TTC28: variants seen among roughly 807,000 people sequenced by gnomAD.
The protein encoded by TTC28 is tetratricopeptide repeat domain 28, also known as tetratricopeptide repeat protein 28.
In TTC28, 61 loss-of-function variants were observed where a neutral mutation model predicts 198.0. The observed-to-expected ratio is 0.31, with a 90% CI of 0.25 to 0.38. The LOEUF (loss-of-function observed/expected upper bound fraction) is 0.38. Ranked by LOEUF, TTC28 falls within the 10% of genes least tolerant of loss-of-function variation. TTC28 has a pLI of 1.00. For synonymous variants in TTC28, 1,171 were observed against 1,297.8 expected (o/e 0.90, Z 2.10); for missense variants, 2,678 against 3,164.0 (o/e 0.85, Z 3.69).
chr22:28,289,462 CAGA>C lies in TTC28; in HGVS notation c.933+6733_933+6735del, dbSNP rs375218281. Among the ~76,000 whole-genome samples, 1,456 of 152,214 alleles carry C rather than the reference CAGA, an allele frequency of 9.6e-3. 20 individuals are homozygous for C. The highest frequency in any genetic ancestry group is 0.016 in the Non-Finnish European group (1,088 of 67,996). ...TTAATTTTGAAGCCATTAAAGTAGA[CAGA>C]AGGTTAGTCAGAATAAAAAAATCCT... is the stretch of plus-strand genomic sequence containing the variant. On this transcript the variant is annotated intron_variant, in intron 5 of 22. Coordinates refer to ENST00000397906, the MANE Select transcript of TTC28 (RefSeq NM_001145418.2).
chr22:28,560,760 G>T (rs925853469), intron 2 of TTC28, among the ~76,000 whole-genome samples: 11 of 150,546 alleles, frequency 7.3e-5, no homozygotes, highest in South Asian at 2.1e-4. Context: ...TCTTTTTTTT[G>T]TTTGTTTGTT....
At chr22:28,216,503 G>T (rs181821525) in intron 5 of TTC28, among the ~76,000 whole-genome samples, 1 of 152,124 alleles carries the variant, frequency 6.6e-6, no homozygotes, top group Non-Finnish European at 1.5e-5. Flanking sequence ...GTAAGGAATA[G>T]ATTGTGTTTA....
At chr22:28,032,202 T>A (rs913763932) in intron 12 of TTC28, among the ~76,000 whole-genome samples, 1 of 111,668 alleles carries the variant, frequency 9.0e-6, no homozygotes, top group African/African-American at 3.4e-5. Context: ...TATATATATA[T>A]AAAATATATA....
At chr22:28,016,733 A>G (rs1438767516) in intron 13 of TTC28, among the ~76,000 whole-genome samples, 1 of 152,216 alleles carries the variant, frequency 6.6e-6, no homozygotes, top group African/African-American at 2.4e-5. Context: ...TACTAGAGAA[A>G]GAGACCCCAG....
At chr22:28,533,292 C>T (rs111701982) in intron 2 of TTC28, among the ~76,000 whole-genome samples, 3,194 of 152,026 alleles carry the variant, frequency 0.021, 35 homozygotes, top group Non-Finnish European at 0.028. Flanking sequence ...AAATCATGAG[C>T]GAACTCCCAT....
intron 2 of TTC28, among the ~76,000 whole-genome samples, chr22:28,415,278 G>GA (rs1356289225): frequency 6.6e-6 from 1 of 151,530 alleles, no homozygotes. Flanking sequence ...AATTTTAAAT[G>GA]AAAAAAACAG....
intron 5 of TTC28, among the ~76,000 whole-genome samples, chr22:28,190,370 C>T (rs772342190): frequency 6.6e-6 from 1 of 152,192 alleles, no homozygotes; most frequent in Non-Finnish European, 1.5e-5. Context: ...AGATGCAGTG[C>T]TAGGATTTGA....
At chr22:28,584,192 C>T (rs893301433) in intron 2 of TTC28, among the ~76,000 whole-genome samples, 2 of 152,020 alleles carry the variant, frequency 1.3e-5, no homozygotes, top group African/African-American at 4.8e-5. Context: ...AAACAAAATT[C>T]CAGCAGTATT....
At chr22:28,639,178 C>T (rs2051322016) in intron 1 of TTC28, among the ~76,000 whole-genome samples, 1 of 151,966 alleles carries the variant, frequency 6.6e-6, no homozygotes, top group Non-Finnish European at 1.5e-5. Flanking sequence ...TGTTAGACAA[C>T]AGGAAAATGG....
chr22:28,550,668 T>C (rs918922328), intron 2 of TTC28, among the ~76,000 whole-genome samples: 1 of 152,098 alleles, frequency 6.6e-6, no homozygotes, highest in Non-Finnish European at 1.5e-5. Context: ...ATAAATTCTA[T>C]TTTACAGTAT....
intron 2 of TTC28, among the ~76,000 whole-genome samples, chr22:28,319,371 G>C (rs2045407674): frequency 6.6e-6 from 1 of 152,154 alleles, no homozygotes; most frequent in Non-Finnish European, 1.5e-5. Context: ...AACACCTAAA[G>C]TCAGAAGAGA....
intron 6 of TTC28, among the ~76,000 whole-genome samples, chr22:28,152,817 A>G (rs1021710034): frequency 2.0e-5 from 3 of 152,246 alleles, no homozygotes; most frequent in Non-Finnish European, 4.4e-5. Flanking sequence ...AAATATCATC[A>G]GGTTTCCATA....
At position 28,567,442 on chromosome 22, in the gene TTC28, T is replaced by C. The variant is rs576931162; in HGVS notation, c.381+62110A>G. Among the ~76,000 whole-genome samples the C allele has an allele frequency of 5.0e-3, 608 of 122,468 alleles. 6 individuals are homozygous for C. The highest frequency in any genetic ancestry group is 0.017 in the African/African-American group (585 of 33,672). 80.3% of individuals were successfully genotyped at this position (122,468 alleles called of 152,430 possible). A position where few individuals can be genotyped will look rare whatever the true frequency, so the allele number is the denominator to read the frequency against. On this transcript the variant is annotated intron_variant, in intron 2 of 22. Coordinates refer to ENST00000397906, the MANE Select transcript of TTC28 (RefSeq NM_001145418.2). ...ACACACTCACATATATACACACATA[T>C]ACATACACACACACACCACACGCAT...
At chr22:28,133,860 T>C (rs892446344) in intron 6 of TTC28, among the ~76,000 whole-genome samples, 1 of 151,802 alleles carries the variant, frequency 6.6e-6, no homozygotes, top group Non-Finnish European at 1.5e-5. Flanking sequence ...TTGAAGAGAG[T>C]AGTGGTTCTC....
chr22:28,542,592 A>G (rs1443968488), intron 2 of TTC28, among the ~76,000 whole-genome samples: 2 of 152,174 alleles, frequency 1.3e-5, no homozygotes, highest in African/African-American at 4.8e-5. Flanking sequence ...TTAAAAATAA[A>G]TAATTTATTA....
intron 2 of TTC28, among the ~76,000 whole-genome samples, chr22:28,580,687 G>A (rs2050221875): frequency 6.6e-6 from 1 of 152,128 alleles, no homozygotes. Flanking sequence ...CCTACTGAAT[G>A]TAGAATTATA....
intron 2 of TTC28, among the ~76,000 whole-genome samples, chr22:28,402,817 A>T (rs574081012): frequency 6.6e-6 from 1 of 152,356 alleles, no homozygotes; most frequent in African/African-American, 2.4e-5. Context: ...AACTGTTGCT[A>T]TCATTAGCGT....
intron 1 of TTC28, among the ~76,000 whole-genome samples, chr22:28,673,970 T>C (rs2051933005): frequency 6.6e-6 from 1 of 152,106 alleles, no homozygotes; most frequent in African/African-American, 2.4e-5. Context: ...TGAAAAAATA[T>C]TGTTTCTGCT....
chr22:28,391,206 C>G (rs8137808), intron 2 of TTC28, among the ~76,000 whole-genome samples: 15 of 152,238 alleles, frequency 9.9e-5, no homozygotes, highest in Middle Eastern at 3.4e-3. Context: ...TCTGCCGAGA[C>G]ATCAGCTGTT....
Sources: gnomAD v4.1 joint callset for allele counts (sites outside exome capture counted in the v4.1 genomes callset) on GRCh38, gnomAD v4.1.1 for gene constraint, MANE v1.5 for transcripts, NCBI Gene and HGNC (gene_info 2026-07-23, HGNC 2026-07-21) for gene names.